The following CLIC5 variants were observed in gnomAD, a reference collection of about 807,000 sequenced individuals.
CLIC5 encodes the protein chloride intracellular channel protein 5.
CLIC5 carries 20 observed loss-of-function variants against 24.7 expected under a neutral mutation model. The ratio of observed to expected loss-of-function variants is 0.81; its 90% CI spans 0.57 to 1.18. The LOEUF (loss-of-function observed/expected upper bound fraction) is 1.18, where lower values mean the gene tolerates loss of function less well. Ranked by LOEUF, CLIC5 falls within the 50% of genes most tolerant of loss-of-function variation. The pLI is 0.00. For synonymous variants in CLIC5, 159 were observed against 135.6 expected, an observed-to-expected ratio of 1.17 and a Z score of -1.20; for missense variants, 341 against 326.1, an observed-to-expected ratio of 1.05 and a Z score of -0.35.
intron 1 of CLIC5, among the ~76,000 whole-genome samples, chr6:45,971,373 TA>T (rs1468909598): frequency 6.6e-6 from 1 of 152,196 alleles, no homozygotes; most frequent in African/African-American, 2.4e-5. Flanking sequence ...TACATGTTTT[TA>T]AAAAAATTTT....
chr6:45,970,999 A>C (rs1765182488), intron 1 of CLIC5, among the ~76,000 whole-genome samples: 1 of 152,264 alleles, frequency 6.6e-6, no homozygotes, highest in South Asian at 2.1e-4. Context: ...GAAAGTGGCC[A>C]TTATAAAAAT....
At chr6:45,963,921 A>G (rs1764934812) in intron 1 of CLIC5, among the ~76,000 whole-genome samples, 1 of 152,148 alleles carries the variant, frequency 6.6e-6, no homozygotes, top group Non-Finnish European at 1.5e-5. Context: ...TCTAGTTGCT[A>G]TGCTCCATTA....
chr6:46,039,582 A>G (rs763774896), intron 1 of CLIC5, among the ~76,000 whole-genome samples: 7 of 152,154 alleles, frequency 4.6e-5, no homozygotes, highest in Non-Finnish European at 8.8e-5. Flanking sequence ...ATTATTTTCA[A>G]TTAAAGAAGA....
At chr6:46,119,692 G>A in the CLIC5 span, among the ~76,000 whole-genome samples, 2 of 152,236 alleles carry the variant, frequency 1.3e-5, no homozygotes, top group African/African-American at 2.4e-5. Flanking sequence ...AGCCAAGCAA[G>A]GCTGTGACAG....
intron 4 of CLIC5, among the ~76,000 whole-genome samples, chr6:45,919,693 T>C (rs1763177484): frequency 6.6e-6 from 1 of 152,168 alleles, no homozygotes; most frequent in Admixed American, 6.5e-5. Context: ...AATTGAGAAA[T>C]AAAAGAGTTT....
the CLIC5 span, among the ~76,000 whole-genome samples, chr6:46,088,161 C>CTGTGTGTGTGTGTGTG: frequency 2.1e-3 from 310 of 146,444 alleles, 1 homozygote; most frequent in Middle Eastern, 6.9e-3. Flanking sequence ...CGCTCTCTTT[C>CTGTGTGTGTGTGTGTG]TGTGTGTGTG....
At chr6:45,953,453 G>A (rs574982708) in intron 2 of CLIC5, among the ~76,000 whole-genome samples, 11 of 152,252 alleles carry the variant, frequency 7.2e-5, no homozygotes, top group Non-Finnish European at 1.5e-4. Flanking sequence ...TGAGCCTGGG[G>A]CCAGGGACAA....
chr6:46,005,751 G>A (rs926873359), intron 1 of CLIC5, among the ~76,000 whole-genome samples: 1 of 151,926 alleles, frequency 6.6e-6, no homozygotes, highest in Admixed American at 6.6e-5. Context: ...GTGTTCTCAT[G>A]AGGGGCTGAA....
upstream of CLIC5, among the ~76,000 whole-genome samples, chr6:46,083,828 C>T (rs1762974954): frequency 6.6e-6 from 1 of 151,548 alleles, no homozygotes; most frequent in African/African-American, 2.4e-5. Context: ...CCTGGGTATC[C>T]TTGTTAACTT....
chr6:46,036,601 C>T (rs12189676), intron 1 of CLIC5, among the ~76,000 whole-genome samples: 1,607 of 152,284 alleles, frequency 0.011, 10 homozygotes, highest in Non-Finnish European at 0.017. Context: ...TGAGCCACTG[C>T]GCCAGGCCGA....
intron 1 of CLIC5, among the ~76,000 whole-genome samples, chr6:45,983,512 G>A (rs555405277): frequency 2.0e-5 from 3 of 152,212 alleles, no homozygotes; most frequent in South Asian, 2.1e-4. Context: ...TTATAGCTCC[G>A]CTCTGGCTAC....
chr6:46,075,172 T>C (rs1423556487), intron 1 of CLIC5, among the ~76,000 whole-genome samples: 2 of 152,210 alleles, frequency 1.3e-5, no homozygotes, highest in African/African-American at 4.8e-5. Context: ...TATCATAATG[T>C]CCATTTTATC....
At chr6:45,936,650 C>T (rs1478263620) in intron 4 of CLIC5, among the ~76,000 whole-genome samples, 1 of 152,080 alleles carries the variant, frequency 6.6e-6, no homozygotes, top group Non-Finnish European at 1.5e-5. Flanking sequence ...GGACAAGAGG[C>T]AAAGCTGGTG....
intron 1 of CLIC5, among the ~76,000 whole-genome samples, chr6:45,981,350 GA>G (rs1262947097): frequency 6.6e-6 from 1 of 151,656 alleles, no homozygotes; most frequent in East Asian, 1.9e-4. Flanking sequence ...CTGAAATTTT[GA>G]AACATCCTGA....
intron 1 of CLIC5, among the ~76,000 whole-genome samples, chr6:45,984,675 C>T (rs900191312): frequency 3.3e-5 from 5 of 152,176 alleles, no homozygotes; most frequent in African/African-American, 2.4e-5. Context: ...TTCGCTGGGG[C>T]TAGTTACCCA....
intron 1 of CLIC5, among the ~76,000 whole-genome samples, chr6:46,026,786 C>A (rs1767342675): frequency 6.6e-6 from 1 of 152,040 alleles, no homozygotes; most frequent in Non-Finnish European, 1.5e-5. Flanking sequence ...GTGCTCCCAC[C>A]CCTCACCCCA....
At chr6:46,107,021 C>A in the CLIC5 span, among the ~76,000 whole-genome samples, 2 of 151,960 alleles carry the variant, frequency 1.3e-5, no homozygotes, top group African/African-American at 4.8e-5. Context: ...TATATATTGT[C>A]CCAACTTAAT....
intron 1 of CLIC5, among the ~76,000 whole-genome samples, chr6:45,955,768 T>C (rs905612796): frequency 1.3e-5 from 2 of 150,732 alleles, no homozygotes; most frequent in Non-Finnish European, 3.0e-5. Flanking sequence ...GTCATGAATA[T>C]AAATATCTCA....
At chr6:46,106,242 G>A in the CLIC5 span, among the ~76,000 whole-genome samples, 3 of 152,026 alleles carry the variant, frequency 2.0e-5, no homozygotes, top group African/African-American at 7.2e-5. Context: ...TGAATAGCTG[G>A]GCCTACAGGA....
Sources: gnomAD v4.1 joint callset for allele counts (sites outside exome capture counted in the v4.1 genomes callset) on GRCh38, gnomAD v4.1.1 for gene constraint, MANE v1.5 for transcripts, NCBI Gene and HGNC (gene_info 2026-07-23, HGNC 2026-07-21) for gene names.